The following EPRS1 variants were observed in gnomAD, a reference collection of about 807,000 sequenced individuals.
EPRS1 encodes glutamyl-prolyl-tRNA synthetase 1.
Under a neutral mutation model 188.3 loss-of-function variants are expected in EPRS1, and 107 were observed. The observed-to-expected ratio is 0.57, with a 90% CI of 0.49 to 0.67. EPRS1 has a LOEUF of 0.67. EPRS1 is among the 30% of genes least tolerant of loss of function. The pLI, the probability that EPRS1 is intolerant of heterozygous loss-of-function variation, is 0.00. For synonymous variants in EPRS1, 596 were observed against 593.1 expected (o/e 1.00, Z -0.07); for missense variants, 1,577 against 1,802.2 (o/e 0.88, Z 2.26).
intron 30 of EPRS1, 63 bp downstream of exon 30, chr1:219,972,006 T>C (rs1660677252): frequency 9.9e-6 from 10 of 1,007,526 alleles, no homozygotes; most frequent in Non-Finnish European, 1.3e-5. Flanking sequence ...ATAAATTCAA[T>C]GAGCCTTAAA....
intron 12 of EPRS1, chr1:220,018,147 C>G: frequency 7.3e-7 from 1 of 1,362,592 alleles, no homozygotes; most frequent in Non-Finnish European, 9.6e-7. Flanking sequence ...GAGCTCGCAG[C>G]TTGAAAGCAG....
intron 1 of EPRS1, among the ~76,000 whole-genome samples, chr1:220,040,999 G>A (rs1353162015): frequency 6.6e-6 from 1 of 151,454 alleles, no homozygotes; most frequent in African/African-American, 2.4e-5. Flanking sequence ...TATGCCAAAT[G>A]CTTTACAGTT....
At chr1:220,035,852 A>G (rs759792134) in intron 2 of EPRS1, among the ~76,000 whole-genome samples, 1 of 152,092 alleles carries the variant, frequency 6.6e-6, no homozygotes, top group Non-Finnish European at 1.5e-5. Flanking sequence ...AAGGCAAAGG[A>G]GCCAAGAATC....
chr1:219,998,444 G>A (rs2647430), intron 17 of EPRS1, among the ~76,000 whole-genome samples: 121,971 of 152,052 alleles, frequency 0.8, 49,087 homozygotes, highest in East Asian at 0.93. Flanking sequence ...GATTCTATAT[G>A]TACACTCAAA....
intron 2 of EPRS1, among the ~76,000 whole-genome samples, chr1:220,035,966 G>A (rs552336808): frequency 4.0e-5 from 6 of 150,586 alleles, no homozygotes; most frequent in South Asian, 2.1e-4. Context: ...TCGGGAGGCC[G>A]AGGTGGACAG....
intron 5 of EPRS1, 72 bp downstream of exon 5, chr1:220,032,315 T>C (rs1662101318): frequency 7.2e-6 from 9 of 1,254,866 alleles, no homozygotes; most frequent in Non-Finnish European, 9.9e-6. Context: ...CTCAATCTCC[T>C]GACCTTGTGA....
chr1:220,042,038 G>A (rs936026879), intron 1 of EPRS1, among the ~76,000 whole-genome samples: 1 of 151,404 alleles, frequency 6.6e-6, no homozygotes, highest in Non-Finnish European at 1.5e-5. Flanking sequence ...AAAATTAGCT[G>A]GGCGTGGCAG....
chr1:220,010,132 T>G (rs1310092462), intron 13 of EPRS1, among the ~76,000 whole-genome samples: 2 of 151,106 alleles, frequency 1.3e-5, no homozygotes, highest in Non-Finnish European at 2.9e-5. Context: ...AGAATTTAGA[T>G]GGACCCTTCA....
intron 15 of EPRS1, among the ~76,000 whole-genome samples, chr1:220,005,658 G>A (rs182066368): frequency 2.4e-4 from 37 of 152,274 alleles, no homozygotes; most frequent in Middle Eastern, 3.4e-3. Flanking sequence ...CAAGAAGCAT[G>A]TAATAGACTT....
At chr1:219,978,971 T>C (rs542748418) in intron 27 of EPRS1, among the ~76,000 whole-genome samples, 1 of 143,160 alleles carries the variant, frequency 7.0e-6, no homozygotes, top group African/African-American at 2.5e-5. Flanking sequence ...TATATTTTTT[T>C]TTCCCCCCCA....
At chr1:220,005,829 GTT>G (rs879818549) in intron 15 of EPRS1, among the ~76,000 whole-genome samples, 2 of 45,728 alleles carry the variant, frequency 4.4e-5, no homozygotes, top group South Asian at 8.2e-4. Flanking sequence ...TTTTTTTTTT[GTT>G]TTTTTTTTTG....
intron 28 of EPRS1, among the ~76,000 whole-genome samples, chr1:219,974,256 T>A (rs1660733534): frequency 1.3e-5 from 2 of 152,180 alleles, no homozygotes; most frequent in African/African-American, 4.8e-5. Flanking sequence ...GAGTTTGTAT[T>A]TCTAACAAGT....
At chr1:220,006,621 T>C (rs939576435) in intron 14 of EPRS1, among the ~76,000 whole-genome samples, 1 of 152,168 alleles carries the variant, frequency 6.6e-6, no homozygotes, top group African/African-American at 2.4e-5. Flanking sequence ...TAAAGTCACC[T>C]GCATCAAGCA....
At chr1:220,043,293 A>C (rs986624204) in intron 1 of EPRS1, among the ~76,000 whole-genome samples, 25 of 152,162 alleles carry the variant, frequency 1.6e-4, no homozygotes, top group African/African-American at 6.0e-4. Flanking sequence ...TAATTCAATA[A>C]AACTAATTTT....
chr1:219,976,856 T>C (rs1660791673), intron 28 of EPRS1, among the ~76,000 whole-genome samples: 1 of 152,216 alleles, frequency 6.6e-6, no homozygotes, highest in Non-Finnish European at 1.5e-5. Context: ...AATTTAACTT[T>C]AAAAGATTCG....
intron 16 of EPRS1, among the ~76,000 whole-genome samples, chr1:220,004,246 C>A (rs1162452224): frequency 6.6e-6 from 1 of 152,154 alleles, no homozygotes. Flanking sequence ...GTTGCCCAGG[C>A]TGGTCTTGAA....
intron 28 of EPRS1, among the ~76,000 whole-genome samples, chr1:219,976,978 G>A (rs1022773769): frequency 8.5e-5 from 13 of 152,094 alleles, no homozygotes; most frequent in African/African-American, 3.1e-4. Context: ...AATATAGGAA[G>A]GGGTACCAAA....
chr1:219,994,539 A>C (rs1200069856), intron 18 of EPRS1, among the ~76,000 whole-genome samples: 1 of 152,138 alleles, frequency 6.6e-6, no homozygotes, highest in Non-Finnish European at 1.5e-5. Flanking sequence ...AATATTAAAA[A>C]AGAAAAAGAA....
At chr1:219,993,448 C>T (rs1052895070) in intron 18 of EPRS1, among the ~76,000 whole-genome samples, 30 of 152,190 alleles carry the variant, frequency 2.0e-4, no homozygotes, top group African/African-American at 7.2e-4. Context: ...CGTCTTTTTG[C>T]TTATACTTTG....
Sources: allele counts gnomAD v4.1 joint callset (sites outside exome capture counted in the v4.1 genomes callset), GRCh38; gene constraint gnomAD v4.1.1; transcripts MANE v1.5; gene names NCBI Gene and HGNC (gene_info 2026-07-23, HGNC 2026-07-21).